The following KLF8 variants were observed in gnomAD, a reference collection of about 807,000 sequenced individuals.
The protein encoded by KLF8 is Krueppel-like factor 8.
A neutral mutation model predicts 18.2 loss-of-function variants in KLF8; 10 were observed. The observed-to-expected ratio is 0.55, with a 90% CI of 0.34 to 0.93. The LOEUF (loss-of-function observed/expected upper bound fraction) is 0.93, where lower values mean the gene tolerates loss of function less well. Among genes scored for constraint, KLF8 ranks in the 40% least tolerant of loss-of-function variants. KLF8 has a pLI of 0.02. For synonymous variants in KLF8, 109 were observed against 97.3 expected (o/e 1.12, Z -0.71); for missense variants, 264 against 277.9 (o/e 0.95, Z 0.36).
chrX:56,012,359 A>G, the KLF8 span, among the ~76,000 whole-genome samples: 1 of 112,102 alleles, frequency 8.9e-6, no homozygotes, highest in African/African-American at 3.2e-5. Flanking sequence ...TGATTAACTC[A>G]ACAGACGCAG....
the KLF8 span, among the ~76,000 whole-genome samples, chrX:56,053,045 C>T: frequency 8.9e-6 from 1 of 111,920 alleles, no homozygotes; most frequent in African/African-American, 3.2e-5. Context: ...TGCCGTCTGT[C>T]ACCCCTTTCT....
chrX:55,961,267 C>A, the KLF8 span: 19 of 348,910 alleles, frequency 5.4e-5, no homozygotes, highest in Non-Finnish European at 9.0e-5. Context: ...TCCACCCAGG[C>A]CTCACCACCA....
At chrX:56,086,825 C>A in the KLF8 span, among the ~76,000 whole-genome samples, 1 of 111,041 alleles carries the variant, frequency 9.0e-6, no homozygotes, top group Non-Finnish European at 1.9e-5. Flanking sequence ...AATGTTCAGG[C>A]AATCAGCACT....
chrX:55,928,697 A>G, the KLF8 span, among the ~76,000 whole-genome samples: 1 of 112,018 alleles, frequency 8.9e-6, no homozygotes, highest in African/African-American at 3.2e-5. Flanking sequence ...AAAGAACATG[A>G]ACTCATCCTT....
At chrX:56,207,619 G>C in the KLF8 span, among the ~76,000 whole-genome samples, 1 of 111,028 alleles carries the variant, frequency 9.0e-6, no homozygotes, top group African/African-American at 3.3e-5. Flanking sequence ...AGACCAACTG[G>C]GCTTGGACTT....
At chrX:56,066,616 G>A in the KLF8 span, among the ~76,000 whole-genome samples, 1 of 111,720 alleles carries the variant, frequency 9.0e-6, no homozygotes, top group Admixed American at 9.4e-5. Flanking sequence ...GCTACTGGGG[G>A]TAGCAGGCTC....
the KLF8 span, among the ~76,000 whole-genome samples, chrX:55,975,802 T>C: frequency 9.0e-6 from 1 of 111,632 alleles, no homozygotes; most frequent in African/African-American, 3.3e-5. Context: ...AATTGAGGTA[T>C]AATTAACACA....
chrX:56,003,219 C>T, the KLF8 span, among the ~76,000 whole-genome samples: 2 of 109,488 alleles, frequency 1.8e-5, no homozygotes. Flanking sequence ...GGTGAAACCC[C>T]GCCTCTACTA....
At chrX:56,213,304 C>CTTTTTTTTTTTT in the KLF8 span, among the ~76,000 whole-genome samples, 5 of 31,386 alleles carry the variant, frequency 1.6e-4, no homozygotes, top group African/African-American at 4.7e-4. Flanking sequence ...CTTTTCTTTT[C>CTTTTTTTTTTTT]TTTTCTTTTC....
chrX:56,289,127 C>T lies in KLF8; in HGVS notation c.*4633C>T, dbSNP rs1189802683. ...AATACTTTATTTATATCAGCATGGACTCATGGGTATTTATTTTATACTTCG... is the reference window on the plus strand; with the variant it reads ...AATACTTTATTTATATCAGCATGGATTCATGGGTATTTATTTTATACTTCG... On this transcript the variant is annotated 3_prime_UTR_variant, in exon 6 of 6. Transcript: ENST00000468660. Among the ~76,000 whole-genome samples the T allele has an allele frequency of 1.8e-5, 2 of 112,229 alleles. No homozygotes were observed. Among genetic ancestry groups the T allele is most frequent in the East Asian group, 5.6e-4 (2 of 3,602 alleles).
the KLF8 span, among the ~76,000 whole-genome samples, chrX:56,163,874 G>A: frequency 8.9e-6 from 1 of 111,902 alleles, no homozygotes; most frequent in Non-Finnish European, 1.9e-5. Context: ...CCCATTGCCT[G>A]TTTTGTCATA....
the KLF8 span, among the ~76,000 whole-genome samples, chrX:56,071,212 T>C: frequency 9.0e-6 from 1 of 111,609 alleles, no homozygotes; most frequent in Non-Finnish European, 1.9e-5. Flanking sequence ...GGAAACTTAA[T>C]TACCAGAAGG....
At chrX:56,043,326 G>T in the KLF8 span, among the ~76,000 whole-genome samples, 1 of 110,058 alleles carries the variant, frequency 9.1e-6, no homozygotes, top group South Asian at 3.9e-4. Context: ...TCTTACAGGG[G>T]TTCTCTGCAT....
the KLF8 span, among the ~76,000 whole-genome samples, chrX:56,185,694 G>A: frequency 2.7e-5 from 3 of 112,131 alleles, no homozygotes; most frequent in African/African-American, 9.7e-5. Context: ...AACTCTACAA[G>A]CCAGAAGAGA....
the KLF8 span, among the ~76,000 whole-genome samples, chrX:56,225,772 T>C: frequency 8.9e-6 from 1 of 112,328 alleles, no homozygotes; most frequent in Non-Finnish European, 1.9e-5. Context: ...TTAAGTAACT[T>C]GTCCTAGGTC....
the KLF8 span, among the ~76,000 whole-genome samples, chrX:56,048,507 C>A: frequency 1.8e-5 from 2 of 111,837 alleles, no homozygotes; most frequent in South Asian, 3.7e-4. Context: ...TTTCCCAGCA[C>A]CATTTATTAA....
chrX:55,946,573 T>A, the KLF8 span, among the ~76,000 whole-genome samples: 1 of 111,645 alleles, frequency 9.0e-6, no homozygotes, highest in Admixed American at 9.6e-5. Flanking sequence ...GACATAGGCA[T>A]GGGCAAGGAC....
At chrX:56,005,621 A>G in the KLF8 span, among the ~76,000 whole-genome samples, 1 of 112,674 alleles carries the variant, frequency 8.9e-6, no homozygotes, top group Non-Finnish European at 1.9e-5. Flanking sequence ...GTTTGTGTGC[A>G]TGTGTGCACC....
the KLF8 span, among the ~76,000 whole-genome samples, chrX:56,152,355 G>A: frequency 9.0e-6 from 1 of 110,821 alleles, no homozygotes. Context: ...CTTAGGCCTT[G>A]GACCTAAGCC....
Sources: gnomAD v4.1 joint callset for allele counts (sites outside exome capture counted in the v4.1 genomes callset) on GRCh38, gnomAD v4.1.1 for gene constraint, MANE v1.5 for transcripts, NCBI Gene and HGNC (gene_info 2026-07-23, HGNC 2026-07-21) for gene names.